Variants in MECOM observed in about 807,000 individuals in gnomAD.
MECOM encodes MDS1 and EVI1 complex locus, also known as histone-lysine N-methyltransferase MECOM.
In MECOM, 13 loss-of-function variants were observed where a neutral mutation model predicts 116.3. That is an observed-to-expected ratio of 0.11 (90% CI 0.07 to 0.18). The LOEUF (loss-of-function observed/expected upper bound fraction) is 0.18, where lower values mean the gene tolerates loss of function less well. Among genes scored for constraint, MECOM ranks in the 10% least tolerant of loss-of-function variants. The pLI, the probability that MECOM is intolerant of heterozygous loss-of-function variation, is 1.00. For synonymous variants in MECOM, 528 were observed against 535.2 expected (o/e 0.99, Z 0.19); for missense variants, 1,299 against 1,509.0 (o/e 0.86, Z 2.31).
At chr3:169,472,699 GAAGGA>G (rs1749739203) in intron 1 of MECOM, among the ~76,000 whole-genome samples, 1 of 123,264 alleles carries the variant, frequency 8.1e-6, no homozygotes, top group African/African-American at 3.2e-5. Context: ...AAAGGGAAGG[GAAGGA>G]AAGGAAGAAA....
At chr3:169,123,106 T>C (rs1731576654) in intron 5 of MECOM, among the ~76,000 whole-genome samples, 2 of 151,618 alleles carry the variant, frequency 1.3e-5, no homozygotes, top group South Asian at 2.1e-4. Context: ...ATTAAGTGAG[T>C]ATTAAGCTCA....
In MECOM at chr3:169,568,655, G is replaced by A. The variant is rs535719718; in HGVS notation, c.37+94681C>T. The stretch of plus-strand genomic sequence containing the variant: ...CAGCTCAGCAAAGCCACTGTAGCCA[G>A]ACTGCCTCTCTAGATTCCTCATCTC... On this transcript the variant is annotated intron_variant, in intron 1 of 16. Transcript: ENST00000651503. 6.6e-5 allele frequency among the ~76,000 whole-genome samples: 10 copies of A among 152,314 alleles called. No individual in the cohort carries two copies. The South Asian group carries it at 8.3e-4, about 13-fold the overall frequency.
intron 2 of MECOM, among the ~76,000 whole-genome samples, chr3:169,372,790 G>C (rs1285733950): frequency 6.6e-6 from 1 of 151,808 alleles, no homozygotes; most frequent in Non-Finnish European, 1.5e-5. Flanking sequence ...AACTCTAATT[G>C]GTTAGATACA....
intron 2 of MECOM, among the ~76,000 whole-genome samples, chr3:169,260,440 T>C (rs1757399367): frequency 6.6e-6 from 1 of 151,704 alleles, no homozygotes; most frequent in Admixed American, 6.6e-5. Context: ...CTAAGGAGCA[T>C]ATGTTGGCAA....
intron 1 of MECOM, among the ~76,000 whole-genome samples, chr3:169,570,965 C>T (rs1018904288): frequency 2.6e-5 from 4 of 152,148 alleles, no homozygotes; most frequent in Non-Finnish European, 4.4e-5. Context: ...TCCTATTCAA[C>T]ATAGTATTGG....
rs1742461570 is a variant in MECOM, at chr3:169,435,335, C to G, written c.38-53811G>C. ...GCCTGAATGATTTTCACCTCTGCCACAAGGTGTACTATCGGCTCATACATC... is the reference window on the plus strand; with the variant it reads ...GCCTGAATGATTTTCACCTCTGCCAGAAGGTGTACTATCGGCTCATACATC... On this transcript the variant is annotated intron_variant, in intron 1 of 16. Coordinates refer to ENST00000651503, the MANE Select transcript of MECOM (RefSeq NM_004991.4). Among the ~76,000 whole-genome samples the G allele has an allele frequency of 2.0e-5, 3 of 152,200 alleles. 1 individual carries two copies. Among genetic ancestry groups the G allele is most frequent in the Admixed American group, 2.0e-4 (3 of 15,274 alleles).
At chr3:169,163,462 A>G (rs1743137836) in intron 2 of MECOM, among the ~76,000 whole-genome samples, 1 of 152,204 alleles carries the variant, frequency 6.6e-6, no homozygotes, top group South Asian at 2.1e-4. Context: ...ATGATAAAAA[A>G]TAGTAATTAT....
chr3:169,102,670 G>A (rs1236903665), intron 10 of MECOM, among the ~76,000 whole-genome samples: 2 of 152,064 alleles, frequency 1.3e-5, no homozygotes, highest in Non-Finnish European at 2.9e-5. Flanking sequence ...GAAAAGAACT[G>A]AAAGCATGGG....
At chr3:169,093,408 A>C (rs928869611) in intron 13 of MECOM, among the ~76,000 whole-genome samples, 3 of 152,334 alleles carry the variant, frequency 2.0e-5, no homozygotes, top group East Asian at 1.9e-4. Flanking sequence ...ACATAATGAG[A>C]ATTTAGAGTG....
At chr3:169,125,175 G>C (rs181923347) in intron 5 of MECOM, among the ~76,000 whole-genome samples, 1 of 152,068 alleles carries the variant, frequency 6.6e-6, no homozygotes, top group South Asian at 2.1e-4. Context: ...GTACAGGTGT[G>C]TGGAGTCATA....
Position 169,083,862 on chromosome 3 carries a change from T to C in MECOM, c.*1047A>G, listed in dbSNP as rs1223862269. ...CCATGAAAGAAATTATAATCGTTTA[T>C]ACAATTGAATCGATTTCAGTATTAC... On this transcript the variant is annotated 3_prime_UTR_variant, in exon 17 of 17. Transcript: ENST00000651503. The C allele has an allele frequency of 2.3e-5, 5 of 218,646 alleles. No individual in the cohort carries two copies. Among genetic ancestry groups the C allele is most frequent in the East Asian group, 1.4e-4 (2 of 14,790 alleles). 13.5% of individuals were successfully genotyped at this position (218,646 alleles called of 1,614,324 possible). A position where few individuals can be genotyped will look rare whatever the true frequency, so the allele number is the denominator to read the frequency against.
chr3:169,475,230 A>C (rs1396886433), intron 1 of MECOM, among the ~76,000 whole-genome samples: 1 of 152,234 alleles, frequency 6.6e-6, no homozygotes, highest in Non-Finnish European at 1.5e-5. Flanking sequence ...CAATGGTTGC[A>C]CTTCATTCTG....
chr3:169,483,217 TTGCCCAGAAACCCGCATTTTA>T (rs1751635333), intron 1 of MECOM, among the ~76,000 whole-genome samples: 3 of 149,044 alleles, frequency 2.0e-5, no homozygotes, highest in Non-Finnish European at 3.0e-5. Context: ...TTTTTTTTTT[TTGCCCAGAAACCCGCATTTTA>T]TTGACAGTCA....
chr3:169,462,116 C>T (rs2108742678), intron 1 of MECOM, among the ~76,000 whole-genome samples: 1 of 152,190 alleles, frequency 6.6e-6, no homozygotes, highest in Admixed American at 6.6e-5. Context: ...CACCTCTGAG[C>T]AGATTTTCCA....
rs1424845913 is a variant in MECOM, at chr3:169,401,394, T to C, written c.38-19870A>G. On this transcript the variant is annotated intron_variant, in intron 1 of 16. Transcript: ENST00000651503. Reference sequence around the variant, plus strand: ...CTCCAAGAGTTCTGACCATTAATCGTTTATTCATTTCCATTTACATTTAAA... The same window carrying C: ...CTCCAAGAGTTCTGACCATTAATCGCTTATTCATTTCCATTTACATTTAAA... Among the ~76,000 whole-genome samples, 3 of 151,858 alleles carry C rather than the reference T, an allele frequency of 2.0e-5. 1 individual carries two copies. Among genetic ancestry groups the C allele is most frequent in the Admixed American group, 6.6e-5 (1 of 15,222 alleles).
intron 2 of MECOM, among the ~76,000 whole-genome samples, chr3:169,244,087 C>T (rs1302209496): frequency 1.3e-5 from 2 of 152,324 alleles, no homozygotes; most frequent in East Asian, 3.9e-4. Flanking sequence ...AATACTTTTT[C>T]ATATACTTTA....
chr3:169,264,743 CTTAA>C (rs1758049063), intron 2 of MECOM, among the ~76,000 whole-genome samples: 1 of 152,200 alleles, frequency 6.6e-6, no homozygotes, highest in South Asian at 2.1e-4. Flanking sequence ...ACTATACTGT[CTTAA>C]TTTATTTATT....
At chr3:169,277,623 T>C (rs535489197) in intron 2 of MECOM, among the ~76,000 whole-genome samples, 1 of 152,282 alleles carries the variant, frequency 6.6e-6, no homozygotes, top group East Asian at 1.9e-4. Context: ...CATTGCCTAA[T>C]GGGGGTCCTT....
intron 2 of MECOM, among the ~76,000 whole-genome samples, chr3:169,179,828 T>A (rs1745712948): frequency 6.6e-6 from 1 of 152,094 alleles, no homozygotes; most frequent in African/African-American, 2.4e-5. Context: ...CAGCAGCCGG[T>A]CTCTCTTTTT....
Sources: gnomAD v4.1 joint callset for allele counts (sites outside exome capture counted in the v4.1 genomes callset) on GRCh38, gnomAD v4.1.1 for gene constraint, MANE v1.5 for transcripts, NCBI Gene and HGNC (gene_info 2026-07-23, HGNC 2026-07-21) for gene names.